The following ZNF208 variants were observed in gnomAD, a reference collection of about 807,000 sequenced individuals.
ZNF208 encodes the protein zinc finger protein 208.
A neutral mutation model predicts 12.1 loss-of-function variants in ZNF208; 10 were observed. The observed-to-expected ratio is 0.83, with a 90% confidence interval of 0.51 to 1.40. ZNF208 has a LOEUF of 1.40. Ranked by LOEUF, ZNF208 falls within the 40% of genes most tolerant of loss-of-function variation. ZNF208 has a pLI of 0.00. For missense variants in ZNF208, 1,652 were observed against 1,485.0 expected, an observed-to-expected ratio of 1.11 and a Z score of -1.85; for synonymous variants, 497 against 488.4, an observed-to-expected ratio of 1.02 and a Z score of -0.23.
At chr19:21,990,524 C>T (rs1384666444) in intron 1 of ZNF208, among the ~76,000 whole-genome samples, 13 of 151,840 alleles carry the variant, frequency 8.6e-5, no homozygotes, top group Non-Finnish European at 1.5e-4. Context: ...AGTCAGGTAG[C>T]GTGATGCCTC....
rs1166541126 is a variant in ZNF208, at chr19:21,970,194, CTT to C, written c.*995_*996del. Among the ~76,000 whole-genome samples the C allele has an allele frequency of 2.0e-5, 3 of 152,176 alleles. No individual in the cohort carries two copies. Among genetic ancestry groups the C allele is most frequent in the African/African-American group, 7.2e-5 (3 of 41,446 alleles). ...CATCTTTCAGGTTTGTAGAGTCTCT[CTT>C]GTGTATGAATTAGCTTATGTCTCTT... On this transcript the variant is annotated 3_prime_UTR_variant, in exon 4 of 4. Transcript: ENST00000397126.
In ZNF208 at chr19:21,972,578, G is replaced by T. The variant is rs1568443956; in HGVS notation, c.2456C>A (p.Thr819Asn). Residue 819 changes from threonine to asparagine, a missense_variant, in exon 4 of 4, where the codon ACC becomes AAC. This residue lies in a region of ZNF208 where 1,239 missense variants were observed against 1,086.2 expected (regional missense o/e 1.14). Transcript: ENST00000397126. The part of the protein sequence containing the change: ...ECGKTFSKVS[T>N]LTTHKAIHAG... Reference sequence around the variant, plus strand: ...ATGAATTGCCTTATGTGTAGTAAGGGTTGAGACCTTACTAAAGGTTTTGCC... The same window carrying T: ...ATGAATTGCCTTATGTGTAGTAAGGTTTGAGACCTTACTAAAGGTTTTGCC... 3 of 1,611,208 alleles carry T rather than the reference G, an allele frequency of 1.9e-6. No individual in the cohort carries two copies. The highest frequency in any genetic ancestry group is 1.7e-6 in the Non-Finnish European group (2 of 1,179,286).
Position 21,971,701 on chromosome 19 carries a change from T to C in ZNF208, c.3333A>G (p.Lys1111=), listed in dbSNP as rs148872471. 520 of 1,613,870 alleles carry C rather than the reference T, an allele frequency of 3.2e-4. 1 individual carries two copies. In the African/African-American group the frequency reaches 5.7e-3, roughly 18 times the overall value. ...MEHKRIHTGE[K]PYKCEECGKS... is the part of the protein sequence containing the mutation. ...TGCCACATTCTTCACATTTGTAGGGTTTCTCTCCAGTATGAATTCTCTTAT... is the reference window on the plus strand; with the variant it reads ...TGCCACATTCTTCACATTTGTAGGGCTTCTCTCCAGTATGAATTCTCTTAT... The change falls in exon 4 of 4, where the codon AAA becomes AAG. Residue 1111 remains lysine, a synonymous_variant. Transcript: ENST00000397126.
chr19:21,962,275 A>C (rs1430467983), downstream of ZNF208, among the ~76,000 whole-genome samples: 4 of 152,102 alleles, frequency 2.6e-5, no homozygotes, highest in African/African-American at 4.8e-5. Flanking sequence ...TTTTTGTGAC[A>C]CATAATAAGT....
chr19:21,984,876 G>C (rs1297234275), intron 3 of ZNF208, among the ~76,000 whole-genome samples: 1 of 152,020 alleles, frequency 6.6e-6, no homozygotes, highest in Non-Finnish European at 1.5e-5. Flanking sequence ...AAACAATCTG[G>C]TATAAGGATG....
intron 4 of ZNF208, among the ~76,000 whole-genome samples, chr19:21,952,148 G>C (rs1329866046): frequency 6.6e-6 from 1 of 152,218 alleles, no homozygotes; most frequent in East Asian, 1.9e-4. Context: ...TGGCCGGGAA[G>C]CTTGAACTGG....
Position 21,987,221 on chromosome 19 carries a change from G to A in ZNF208, c.221C>T (p.Ser74Phe). The change falls in exon 3 of 4, where the codon TCC becomes TTC. Residue 74 changes from serine to phenylalanine, a missense_variant. Coordinates refer to ENST00000397126, the MANE Select transcript of ZNF208 (RefSeq NM_007153.3). ...NMKRHEMVEE[S>F]PVICSHFAQD... The stretch of plus-strand genomic sequence containing the variant: ...CTGTATTCACTCTCACCTACCTGGG[G>A]ATTCTTCCACCATCTCATGTCTCTT... The A allele has an allele frequency of 4.3e-6, 7 of 1,609,668 alleles. No homozygotes were observed. The highest frequency in any genetic ancestry group is 1.3e-5 in the African/African-American group (1 of 74,620).
intron 1 of ZNF208, among the ~76,000 whole-genome samples, chr19:22,007,739 C>A (rs1325827137): frequency 2.0e-5 from 3 of 152,002 alleles, no homozygotes; most frequent in African/African-American, 7.3e-5. Context: ...GGGGCTCACA[C>A]CTGCAATCCC....
Position 21,971,087 on chromosome 19 carries a change from T to C in ZNF208, c.*104A>G. On this transcript the variant is annotated 3_prime_UTR_variant, in exon 4 of 4. Transcript: ENST00000397126. The stretch of plus-strand genomic sequence containing the variant: ...AAGGTTTGAGGACCAGTTGAAAGCC[T>C]CACCACATTCTTCACATTTGTAGGG... 7.4e-6 allele frequency: 12 copies of C among 1,613,292 alleles called. No individual in the cohort carries two copies. The highest frequency in any genetic ancestry group is 1.0e-5 in the Non-Finnish European group (12 of 1,179,614).
chr19:21,999,802 AAGC>A (rs1970910178), intron 1 of ZNF208, among the ~76,000 whole-genome samples: 1 of 152,238 alleles, frequency 6.6e-6, no homozygotes, highest in Non-Finnish European at 1.5e-5. Flanking sequence ...ATATTTCAAA[AAGC>A]AGAAAAAATA....
chr19:21,947,307 T>G (rs1335445970), intron 4 of ZNF208, among the ~76,000 whole-genome samples: 1 of 152,206 alleles, frequency 6.6e-6, no homozygotes, highest in Non-Finnish European at 1.5e-5. Context: ...CTCAGCACTA[T>G]CCAATGAATC....
downstream of ZNF208, among the ~76,000 whole-genome samples, chr19:21,964,440 TTG>T (rs1414604837): frequency 6.6e-6 from 1 of 151,654 alleles, no homozygotes; most frequent in African/African-American, 2.4e-5. Flanking sequence ...TTTCCTTCAC[TTG>T]TTAGAAAAAA....
downstream of ZNF208, among the ~76,000 whole-genome samples, chr19:21,965,119 A>G (rs1196048544): frequency 6.6e-6 from 1 of 152,054 alleles, no homozygotes; most frequent in African/African-American, 2.4e-5. Context: ...TTGACTGTCA[A>G]TTATAAGCTA....
chr19:21,990,525 G>T (rs563603487), intron 1 of ZNF208, among the ~76,000 whole-genome samples: 1 of 151,876 alleles, frequency 6.6e-6, no homozygotes, highest in South Asian at 2.1e-4. Flanking sequence ...GTCAGGTAGC[G>T]TGATGCCTCC....
At chr19:21,984,580 A>C (rs888237816) in intron 3 of ZNF208, among the ~76,000 whole-genome samples, 45 of 151,606 alleles carry the variant, frequency 3.0e-4, no homozygotes, top group African/African-American at 1.1e-3. Context: ...AAACAAACAA[A>C]AAAAATATAT....
intron 4 of ZNF208, among the ~76,000 whole-genome samples, chr19:21,947,274 GT>G (rs1032270198): frequency 1.3e-5 from 2 of 151,954 alleles, no homozygotes; most frequent in East Asian, 1.9e-4. Flanking sequence ...CATTTGATTT[GT>G]TTTTTTCTCT....
chr19:21,958,204 G>T (rs1445777544), intron 4 of ZNF208, among the ~76,000 whole-genome samples: 1 of 151,482 alleles, frequency 6.6e-6, no homozygotes, highest in Non-Finnish European at 1.5e-5. Context: ...GAAAGTAATT[G>T]TTTCAAAACT....
intron 1 of ZNF208, among the ~76,000 whole-genome samples, chr19:22,008,578 A>AT (rs907917726): frequency 6.7e-5 from 10 of 148,916 alleles, no homozygotes; most frequent in Admixed American, 2.0e-4. Flanking sequence ...TTGGAGTGCT[A>AT]TTTTTTTTCA....
chr19:21,948,984 G>A (rs1406115823), intron 4 of ZNF208, among the ~76,000 whole-genome samples: 1 of 152,166 alleles, frequency 6.6e-6, no homozygotes, highest in Non-Finnish European at 1.5e-5. Context: ...ATATTAGAAA[G>A]CTTGCAAAGA....
Sources: allele counts gnomAD v4.1 joint callset (sites outside exome capture counted in the v4.1 genomes callset), GRCh38; gene constraint gnomAD v4.1.1; regional missense constraint gnomAD v4.1.1; transcripts MANE v1.5; gene names NCBI Gene and HGNC (gene_info 2026-07-23, HGNC 2026-07-21).